The following CCDC178 variants were observed in gnomAD, a reference collection of about 807,000 sequenced individuals.
CCDC178 encodes the protein coiled-coil domain containing 178.
Under a neutral mutation model 117.4 loss-of-function variants are expected in CCDC178, and 126 were observed. The observed-to-expected ratio is 1.07, with a 90% confidence interval of 0.93 to 1.24. The LOEUF (loss-of-function observed/expected upper bound fraction) is 1.24, where lower values mean the gene tolerates loss of function less well. Among genes scored for constraint, CCDC178 ranks in the 50% most tolerant of loss-of-function variants. The pLI, the probability that CCDC178 is intolerant of heterozygous loss-of-function variation, is 0.00. For synonymous variants in CCDC178, 283 were observed against 313.4 expected, an observed-to-expected ratio of 0.90 and a Z score of 1.02; for missense variants, 1,030 against 986.9, an observed-to-expected ratio of 1.04 and a Z score of -0.59.
rs570503722 is a variant in CCDC178, at chr18:33,339,082, A to G, written c.659-5688T>C. 2.0e-5 allele frequency among the ~76,000 whole-genome samples: 3 copies of G among 152,308 alleles called. No homozygotes were observed. In the South Asian group the frequency reaches 6.2e-4, roughly 32 times the overall value. On this transcript the variant is annotated intron_variant, in intron 9 of 22. Coordinates refer to ENST00000383096, the MANE Select transcript of CCDC178 (RefSeq NM_001105528.4). ...GAACTCATGGCATATGAGCATTTAT[A>G]AAATGCAACTAATGACATTCTGAGA...
intron 20 of CCDC178, among the ~76,000 whole-genome samples, chr18:33,094,756 G>A (rs748578246): frequency 9.9e-5 from 15 of 151,530 alleles, no homozygotes; most frequent in African/African-American, 9.7e-5. Context: ...TTTATATATC[G>A]CAATTAGAAT....
intron 20 of CCDC178, among the ~76,000 whole-genome samples, chr18:33,132,125 T>TTA (rs1359261310): frequency 6.6e-6 from 1 of 151,762 alleles, no homozygotes; most frequent in Non-Finnish European, 1.5e-5. Context: ...TTTAATGGCT[T>TTA]TATAAAAATA....
chr18:33,172,394 C>T (rs271464), intron 20 of CCDC178, among the ~76,000 whole-genome samples: 24,533 of 151,452 alleles, frequency 0.16, 2,773 homozygotes, highest in African/African-American at 0.32. Flanking sequence ...AATAAATATA[C>T]GTAAAATGAA....
At chr18:33,430,654 A>G (rs961239521) in intron 2 of CCDC178, among the ~76,000 whole-genome samples, 5 of 152,210 alleles carry the variant, frequency 3.3e-5, no homozygotes, top group Non-Finnish European at 5.9e-5. Flanking sequence ...AAGCTGCCTT[A>G]ACCACATCAC....
intron 22 of CCDC178, among the ~76,000 whole-genome samples, chr18:32,946,451 A>G (rs974317402): frequency 3.9e-5 from 6 of 152,190 alleles, no homozygotes; most frequent in African/African-American, 7.2e-5. Flanking sequence ...AAGTATCAAG[A>G]CTATGAATGA....
At chr18:33,065,432 G>A (rs1038582835) in intron 21 of CCDC178, among the ~76,000 whole-genome samples, 7 of 152,100 alleles carry the variant, frequency 4.6e-5, no homozygotes, top group African/African-American at 1.4e-4. Context: ...GTGACACATG[G>A]AACACCATAA....
intron 14 of CCDC178, among the ~76,000 whole-genome samples, chr18:33,251,324 A>G (rs970062884): frequency 6.6e-6 from 1 of 151,774 alleles, no homozygotes; most frequent in South Asian, 2.1e-4. Context: ...CATTATATCT[A>G]TACTCCCTAT....
chr18:33,288,396 C>T (rs1421016244), intron 12 of CCDC178, among the ~76,000 whole-genome samples: 1 of 108,554 alleles, frequency 9.2e-6, no homozygotes, highest in Non-Finnish European at 1.8e-5. Flanking sequence ...TCCCCCCCTC[C>T]CCTTCCTTCC....
chr18:33,288,255 C>T, intron 12 of CCDC178, among the ~76,000 whole-genome samples: 1 of 129,946 alleles, frequency 7.7e-6, no homozygotes, highest in African/African-American at 3.0e-5. Context: ...CTCCTCTCCC[C>T]TTCCCTCCCC....
intron 4 of CCDC178, among the ~76,000 whole-genome samples, chr18:33,396,726 A>T (rs2063641877): frequency 6.6e-6 from 1 of 152,174 alleles, no homozygotes; most frequent in African/African-American, 2.4e-5. Context: ...AGTTAAAATT[A>T]AAAAGAAAAG....
intron 20 of CCDC178, among the ~76,000 whole-genome samples, chr18:33,194,988 A>G (rs1454332165): frequency 1.3e-5 from 2 of 148,916 alleles, no homozygotes; most frequent in Admixed American, 6.7e-5. Context: ...GTGCAGTGGT[A>G]TGCACCTGTA....
In CCDC178 at chr18:33,171,949, C is replaced by T. The variant is rs1312005475; in HGVS notation, c.2238+39947G>A. Among the ~76,000 whole-genome samples, 4 of 152,238 alleles carry T rather than the reference C, an allele frequency of 2.6e-5. No individual in the cohort carries two copies. The East Asian group carries it at 7.7e-4, about 29-fold the overall frequency. On this transcript the variant is annotated intron_variant, in intron 20 of 22. Transcript: ENST00000383096. ...GTTTTGAGATGGGATCTTGCTCTGT[C>T]ACCCAGGCTGGAGTGCAGTGGCACG...
chr18:33,327,928 A>G (rs1219696215), intron 10 of CCDC178, among the ~76,000 whole-genome samples: 1 of 151,966 alleles, frequency 6.6e-6, no homozygotes. Flanking sequence ...TATAATTTGC[A>G]ATGTTTTCTT....
chr18:33,289,927 T>C (rs1205552211), intron 12 of CCDC178, among the ~76,000 whole-genome samples: 2 of 152,074 alleles, frequency 1.3e-5, no homozygotes, highest in Non-Finnish European at 2.9e-5. Context: ...TCCACAAACT[T>C]TATTAATAAT....
chr18:32,941,065 T>A (rs1285851441), intron 22 of CCDC178, among the ~76,000 whole-genome samples: 2 of 151,682 alleles, frequency 1.3e-5, no homozygotes, highest in Non-Finnish European at 2.9e-5. Context: ...ATAGAACTCC[T>A]GCAGTTTAAT....
At chr18:33,411,991 T>G (rs1388749409) in intron 3 of CCDC178, 40 bp downstream of exon 3, 6 of 1,018,650 alleles carry the variant, frequency 5.9e-6, no homozygotes, top group Non-Finnish European at 8.9e-6. Context: ...CATTTATCTA[T>G]GAACTATTTT....
At chr18:33,145,134 A>T (rs538271936) in intron 20 of CCDC178, among the ~76,000 whole-genome samples, 1 of 152,210 alleles carries the variant, frequency 6.6e-6, no homozygotes. Flanking sequence ...TTCTTGATCT[A>T]AAATACTTTT....
At chr18:33,176,208 G>A (rs555793805) in intron 20 of CCDC178, among the ~76,000 whole-genome samples, 1 of 152,200 alleles carries the variant, frequency 6.6e-6, no homozygotes, top group South Asian at 2.1e-4. Flanking sequence ...CTTAAATAGT[G>A]AAATTATCTT....
intron 20 of CCDC178, among the ~76,000 whole-genome samples, chr18:33,161,204 C>A (rs2058457994): frequency 6.6e-6 from 1 of 151,862 alleles, no homozygotes; most frequent in Admixed American, 6.6e-5. Flanking sequence ...ATCTATAGAC[C>A]TTGGAAAATC....
Sources: allele counts gnomAD v4.1 joint callset (sites outside exome capture counted in the v4.1 genomes callset), GRCh38; gene constraint gnomAD v4.1.1; transcripts MANE v1.5; gene names NCBI Gene and HGNC (gene_info 2026-07-23, HGNC 2026-07-21).